IKZF4: variants seen among roughly 807,000 people sequenced by gnomAD.
IKZF4 encodes zinc finger protein Eos.
IKZF4 carries 11 observed loss-of-function variants against 47.7 expected under a neutral mutation model. The ratio of observed to expected loss-of-function variants is 0.23; its 90% confidence interval spans 0.15 to 0.38. The LOEUF (loss-of-function observed/expected upper bound fraction) is 0.38, where lower values mean the gene tolerates loss of function less well. IKZF4 is among the 10% of genes least tolerant of loss of function. The probability of loss-of-function intolerance (pLI) is 1.00; values close to 1 mark genes in which losing one functional copy is unlikely to be tolerated. For synonymous variants in IKZF4, 298 were observed against 299.4 expected (o/e 1.00, Z 0.05); for missense variants, 557 against 784.9 (o/e 0.71, Z 3.47).
intron 5 of IKZF4, among the ~76,000 whole-genome samples, chr12:56,031,909 T>C (rs968832213): frequency 1.3e-5 from 2 of 152,178 alleles, no homozygotes; most frequent in Admixed American, 1.3e-4. Context: ...AATTACTCTA[T>C]CAGTGATGGG....
chr12:56,014,862 A>C (rs1891817011), intron 2 of IKZF4, among the ~76,000 whole-genome samples: 1 of 152,198 alleles, frequency 6.6e-6, no homozygotes, highest in African/African-American at 2.4e-5. Flanking sequence ...TGGCTTTTGA[A>C]AGGTTTAATA....
Position 56,025,974 on chromosome 12 carries a change from C to T in IKZF4, c.287-807C>T, listed in dbSNP as rs565901630. ...TTTTTGAGATGGAGTCTTGCTCTGTCGCCCAGGCTGGACTGCAGTGGCGTG... is the reference window on the plus strand; with the variant it reads ...TTTTTGAGATGGAGTCTTGCTCTGTTGCCCAGGCTGGACTGCAGTGGCGTG... On this transcript the variant is annotated intron_variant, in intron 3 of 7. Transcript: ENST00000547167. Among the ~76,000 whole-genome samples the T allele has an allele frequency of 8.5e-5, 13 of 152,222 alleles. No homozygotes were observed. In the South Asian group the frequency reaches 1.5e-3, roughly 17 times the overall value.
chr12:56,024,837 G>C (rs1336779726), intron 2 of IKZF4: 42 of 1,423,854 alleles, frequency 2.9e-5, no homozygotes, highest in Non-Finnish European at 2.4e-5. Flanking sequence ...ATAAAGGTAG[G>C]GTAGGCAAGG....
At chr12:56,007,697 A>C (rs895022340) in exon 1 of IKZF4, 3 of 151,888 alleles carry the variant, frequency 2.0e-5, no homozygotes, top group African/African-American at 7.3e-5. Context: ...CCCTCTCCCC[A>C]ACCCCTCACA....
intron 1 of IKZF4, among the ~76,000 whole-genome samples, chr12:56,022,797 CTTTT>C (rs34923817): frequency 7.9e-6 from 1 of 126,286 alleles, no homozygotes; most frequent in Non-Finnish European, 1.7e-5. Context: ...CTCAGTGTTT[CTTTT>C]TTTTTTTTTT....
chr12:56,016,424 CTT>C (rs1316176573), upstream of IKZF4, among the ~76,000 whole-genome samples: 84 of 132,812 alleles, frequency 6.3e-4, 2 homozygotes, highest in East Asian at 8.2e-3. Context: ...TTTTTCTTTT[CTT>C]TTTTTTTTTT....
chr12:56,018,178 G>GT (rs1892377784), upstream of IKZF4: 1 of 1,289,134 alleles, frequency 7.8e-7, no homozygotes, highest in African/African-American at 1.5e-5. Context: ...TATGTGTCTG[G>GT]TATGCCTTCT....
chr12:56,015,475 C>T (rs1288252684), intron 2 of IKZF4, among the ~76,000 whole-genome samples: 3 of 152,102 alleles, frequency 2.0e-5, no homozygotes, highest in African/African-American at 7.2e-5. Flanking sequence ...CCGCTCACTG[C>T]AACCTACACC....
chr12:56,022,314 C>T (rs1893154787), intron 1 of IKZF4, among the ~76,000 whole-genome samples: 1 of 152,148 alleles, frequency 6.6e-6, no homozygotes, highest in African/African-American at 2.4e-5. Flanking sequence ...CAGCCTTTAC[C>T]TACCTCCCAG....
At chr12:56,032,778 A>G in intron 6 of IKZF4, 68 bp downstream of exon 6, 14 of 1,547,370 alleles carry the variant, frequency 9.0e-6, no homozygotes, top group Non-Finnish European at 1.2e-5. Context: ...GACAAGGGTG[A>G]CTCCAGTATC....
At chr12:56,024,770 G>C in intron 2 of IKZF4, 2 of 1,281,800 alleles carry the variant, frequency 1.6e-6, no homozygotes, top group Non-Finnish European at 2.0e-6. Flanking sequence ...GGCGCACCCA[G>C]CCTCAGCCCT....
chr12:56,020,525 C>T (rs1331442587), upstream of IKZF4, among the ~76,000 whole-genome samples: 1 of 152,206 alleles, frequency 6.6e-6, no homozygotes, highest in Non-Finnish European at 1.5e-5. Flanking sequence ...TTCACAGCCC[C>T]TCCCACCCCC....
At chr12:56,028,883 T>C (rs1894487507) in intron 5 of IKZF4, among the ~76,000 whole-genome samples, 1 of 152,090 alleles carries the variant, frequency 6.6e-6, no homozygotes, top group Non-Finnish European at 1.5e-5. Context: ...GCCTGGGCTT[T>C]CCTGACTTTT....
intron 1 of IKZF4, chr12:56,007,826 G>A (rs1268901343): frequency 2.0e-5 from 3 of 152,316 alleles, no homozygotes; most frequent in South Asian, 2.1e-4. Flanking sequence ...GTGAAGGAGG[G>A]GGGAGACGTG....
intron 5 of IKZF4, 137 bp downstream of exon 5, chr12:56,028,084 C>A (rs1195871725): frequency 9.5e-6 from 9 of 945,164 alleles, no homozygotes; most frequent in Non-Finnish European, 1.3e-5. Flanking sequence ...GCAGATAGGG[C>A]CCCCTGCCTC....
intron 2 of IKZF4, chr12:56,011,716 C>T (rs1891342429): frequency 6.6e-6 from 1 of 152,198 alleles, no homozygotes; most frequent in Non-Finnish European, 1.5e-5. Flanking sequence ...ACTGTAAAGA[C>T]AAACACATGA....
chr12:56,017,535 TCTC>T (rs751681225), upstream of IKZF4, among the ~76,000 whole-genome samples: 1 of 152,020 alleles, frequency 6.6e-6, no homozygotes, highest in African/African-American at 2.4e-5. Context: ...TGAGGTGTAA[TCTC>T]CACCTACATA....
chr12:56,034,123 A>G (rs1053846505), intron 7 of IKZF4, among the ~76,000 whole-genome samples: 2 of 151,856 alleles, frequency 1.3e-5, no homozygotes, highest in Non-Finnish European at 2.9e-5. Flanking sequence ...GGATGGTCTT[A>G]ATCTCCTGAC....
At chr12:56,029,854 A>G (rs1894628175) in intron 5 of IKZF4, 1 of 151,872 alleles carries the variant, frequency 6.6e-6, no homozygotes, top group African/African-American at 2.4e-5. Context: ...AGAAATACAT[A>G]CTCCTTTTCC....
Sources: gnomAD v4.1 joint callset for allele counts (sites outside exome capture counted in the v4.1 genomes callset) on GRCh38, gnomAD v4.1.1 for gene constraint, MANE v1.5 for transcripts, NCBI Gene and HGNC (gene_info 2026-07-23, HGNC 2026-07-21) for gene names.